The following CACNA1D variants were observed in gnomAD, a reference collection of about 807,000 sequenced individuals.
The protein encoded by CACNA1D is calcium voltage-gated channel subunit alpha1 D.
CACNA1D carries 55 observed loss-of-function variants against 257.1 expected under a neutral mutation model. That is an observed-to-expected ratio of 0.21 (90% CI 0.17 to 0.27). The LOEUF (loss-of-function observed/expected upper bound fraction) is 0.27, where lower values mean the gene tolerates loss of function less well. Ranked by LOEUF, CACNA1D falls within the 10% of genes least tolerant of loss-of-function variation. The pLI is 1.00. For missense variants in CACNA1D, 1,876 were observed against 2,784.0 expected (o/e 0.67, Z 7.34); for synonymous variants, 980 against 1,014.9 (o/e 0.97, Z 0.65).
At chr3:53,572,793 C>A (rs540911874) in intron 3 of CACNA1D, among the ~76,000 whole-genome samples, 1 of 152,150 alleles carries the variant, frequency 6.6e-6, no homozygotes, top group African/African-American at 2.4e-5. Flanking sequence ...TGCCTCCAGT[C>A]TCTTCTCCAC....
chr3:53,498,219 C>T (rs540125476), intron 2 of CACNA1D, among the ~76,000 whole-genome samples: 3 of 152,152 alleles, frequency 2.0e-5, no homozygotes, highest in Non-Finnish European at 4.4e-5. Flanking sequence ...GAGGAATTTG[C>T]AGTTGCTGCC....
chr3:53,707,105 G>A (rs3774541), intron 9 of CACNA1D, among the ~76,000 whole-genome samples: 66,099 of 151,642 alleles, frequency 0.44, 14,675 homozygotes, highest in Non-Finnish European at 0.47. Flanking sequence ...TTGCTGTCAG[G>A]GAACAGATGT....
At chr3:53,598,274 T>C (rs1374023982) in intron 3 of CACNA1D, among the ~76,000 whole-genome samples, 1 of 152,082 alleles carries the variant, frequency 6.6e-6, no homozygotes, top group Non-Finnish European at 1.5e-5. Flanking sequence ...TGATGAGGGC[T>C]TAAAGAAATG....
intron 3 of CACNA1D, among the ~76,000 whole-genome samples, chr3:53,518,049 C>T (rs924948586): frequency 2.0e-5 from 3 of 152,218 alleles, no homozygotes; most frequent in Non-Finnish European, 4.4e-5. Context: ...GATTTGGTCA[C>T]ACCACTAGCT....
chr3:53,674,965 G>C (rs534160956), intron 8 of CACNA1D, among the ~76,000 whole-genome samples: 1 of 152,350 alleles, frequency 6.6e-6, no homozygotes, highest in South Asian at 2.1e-4. Flanking sequence ...TGTATGCTGA[G>C]TTAGTGAAAG....
At chr3:53,657,102 T>G (rs1026728968) in intron 4 of CACNA1D, among the ~76,000 whole-genome samples, 2 of 152,140 alleles carry the variant, frequency 1.3e-5, no homozygotes, top group African/African-American at 4.8e-5. Context: ...CAAAAAAACT[T>G]TATTCATAAT....
At chr3:53,650,285 T>A (rs1426934627) in intron 3 of CACNA1D, among the ~76,000 whole-genome samples, 2 of 152,216 alleles carry the variant, frequency 1.3e-5, no homozygotes, top group East Asian at 3.8e-4. Context: ...TGACTGTGAC[T>A]TCGAACTCAG....
rs566010993 is a variant in CACNA1D at position 53,753,506 on chromosome 3, T to G, written c.3676-66T>G. The G allele has an allele frequency of 1.2e-4, 125 of 1,076,488 alleles. No homozygotes were observed. In the African/African-American group the frequency reaches 1.8e-3, roughly 16 times the overall value. The allele number at this position is 1,076,488 out of a possible 1,614,324, so 66.7% of individuals were successfully genotyped here. A position where few individuals can be genotyped will look rare whatever the true frequency, so the allele number is the denominator to read the frequency against. On this transcript the variant is annotated intron_variant, in intron 28 of 47. Coordinates refer to ENST00000350061, the MANE Select transcript of CACNA1D (RefSeq NM_001128840.3). ...ACAGGGGCACAGAGGGCTGGGAGCC[T>G]CCATGTGCAAGCATGTGAGATCGTG...
chr3:53,674,795 GA>G (rs776985871), intron 8 of CACNA1D, among the ~76,000 whole-genome samples: 4 of 152,340 alleles, frequency 2.6e-5, no homozygotes, highest in Non-Finnish European at 4.4e-5. Flanking sequence ...AGGAGGCCAA[GA>G]GGGGCCCACG....
At position 53,514,240 on chromosome 3, in the gene CACNA1D, C is replaced by A. The variant is rs750693488; in HGVS notation, c.483+12520C>A. Among the ~76,000 whole-genome samples, 37 of 152,128 alleles carry A rather than the reference C, an allele frequency of 2.4e-4. 1 individual carries two copies. The highest frequency in any genetic ancestry group is 6.8e-3 in the Middle Eastern group (2 of 294). ...TTCACACCCGGACTTCTGACTCAAG[C>A]GCCCACGCTCAAGTACTAGGCCATG... On this transcript the variant is annotated intron_variant, in intron 3 of 47. Coordinates refer to ENST00000350061, the MANE Select transcript of CACNA1D (RefSeq NM_001128840.3).
intron 30 of CACNA1D, 118 bp downstream of exon 30, chr3:53,762,199 C>T (rs1362028110): frequency 1.3e-6 from 1 of 754,132 alleles, no homozygotes; most frequent in South Asian, 1.4e-5. Context: ...GTCACTTGAT[C>T]TGAAACTAGG....
chr3:53,542,728 T>C (rs2092325071), intron 3 of CACNA1D, among the ~76,000 whole-genome samples: 1 of 152,116 alleles, frequency 6.6e-6, no homozygotes. Flanking sequence ...CCTTCTCCAC[T>C]AAATACAAAT....
chr3:53,745,980 G>A (rs1364082465), intron 25 of CACNA1D, 105 bp downstream of exon 25: 4 of 847,540 alleles, frequency 4.7e-6, no homozygotes, highest in Non-Finnish European at 8.0e-6. Context: ...AAATAAAATA[G>A]GCCTGTGTGC....
intron 3 of CACNA1D, among the ~76,000 whole-genome samples, chr3:53,634,859 C>T (rs759315367): frequency 2.0e-5 from 3 of 152,146 alleles, no homozygotes. Context: ...AAGAGCAGAA[C>T]CAGGAATTGG....
chr3:53,794,460 G>T (rs1393239901), intron 40 of CACNA1D, among the ~76,000 whole-genome samples: 1 of 152,158 alleles, frequency 6.6e-6, no homozygotes, highest in Non-Finnish European at 1.5e-5. Flanking sequence ...GCTGGCTCAG[G>T]GAAGCCATAG....
At chr3:53,678,020 T>C (rs912472776) in intron 8 of CACNA1D, among the ~76,000 whole-genome samples, 2 of 152,238 alleles carry the variant, frequency 1.3e-5, no homozygotes, top group African/African-American at 4.8e-5. Context: ...CATCTCTTCC[T>C]GGATTTGATG....
intron 8 of CACNA1D, among the ~76,000 whole-genome samples, chr3:53,677,518 C>T (rs894273432): frequency 1.5e-4 from 23 of 152,234 alleles, no homozygotes; most frequent in African/African-American, 5.3e-4. Context: ...GGATATCCCC[C>T]ACTCCCCTCA....
At chr3:53,642,186 G>GCTGA (rs942748765) in intron 3 of CACNA1D, among the ~76,000 whole-genome samples, 1 of 152,190 alleles carries the variant, frequency 6.6e-6, no homozygotes, top group African/African-American at 2.4e-5. Flanking sequence ...TGGCTGGCTG[G>GCTGA]CTGACTGGCA....
intron 8 of CACNA1D, among the ~76,000 whole-genome samples, chr3:53,676,789 T>C (rs992501189): frequency 3.9e-5 from 6 of 152,372 alleles, no homozygotes; most frequent in African/African-American, 1.4e-4. Context: ...TCTTTGGTTT[T>C]ATAACAGTCT....
Sources: allele counts gnomAD v4.1 joint callset (sites outside exome capture counted in the v4.1 genomes callset), GRCh38; gene constraint gnomAD v4.1.1; transcripts MANE v1.5; gene names NCBI Gene and HGNC (gene_info 2026-07-23, HGNC 2026-07-21).